Variants in SF3A1 observed in about 807,000 individuals in gnomAD.
The protein encoded by SF3A1 is SAP 114.
SF3A1 carries 13 observed loss-of-function variants against 89.9 expected under a neutral mutation model. The observed-to-expected ratio is 0.14, with a 90% CI of 0.09 to 0.23. The LOEUF is 0.23. Ranked by LOEUF, SF3A1 falls within the 10% of genes least tolerant of loss-of-function variation. The pLI is 1.00. For missense variants in SF3A1, 604 were observed against 1,022.1 expected (o/e 0.59, Z 5.58); for synonymous variants, 405 against 374.4 (o/e 1.08, Z -0.94).
intron 2 of SF3A1, among the ~76,000 whole-genome samples, chr22:30,349,123 G>A (rs762332456): frequency 1.3e-5 from 2 of 152,130 alleles, no homozygotes; most frequent in Non-Finnish European, 2.9e-5. Context: ...CTAACCTAGC[G>A]AAAAAACTTT....
chr22:30,345,048 C>A lies in SF3A1; in HGVS notation c.536G>T (p.Arg179Leu). The change falls in exon 4 of 16, where the codon CGC becomes CTC. Residue 179 changes from arginine (R) to leucine (L), a missense_variant. Physicochemically the swap from Arg to Leu is moderately radical, Grantham distance 102. Coordinates refer to ENST00000215793, the MANE Select transcript of SF3A1 (RefSeq NM_005877.6). ...LTAQFVARNG[R>L]QFLTQLMQKE... ...CTGCATCAGCTGGGTCAGAAACTGG[C>A]GCCCATTCCTGGCCACAAACTGAGC... 6.2e-7 allele frequency: 1 copy of A among 1,614,188 alleles called. No homozygotes were observed. The highest frequency in any genetic ancestry group is 1.1e-5 in the South Asian group (1 of 91,090).
chr22:30,355,066 C>T (rs1477008918), intron 1 of SF3A1, among the ~76,000 whole-genome samples: 1 of 152,056 alleles, frequency 6.6e-6, no homozygotes, highest in Non-Finnish European at 1.5e-5. Flanking sequence ...TTGCTGTCGC[C>T]CAGGCTGGAG....
chr22:30,354,693 T>C (rs932651774), intron 1 of SF3A1, among the ~76,000 whole-genome samples: 1 of 152,204 alleles, frequency 6.6e-6, no homozygotes, highest in Non-Finnish European at 1.5e-5. Flanking sequence ...TCCTCAGGAA[T>C]AGCTACCCAG....
intron 7 of SF3A1, 43 bp downstream of exon 7, chr22:30,341,649 T>G: frequency 6.4e-7 from 1 of 1,569,440 alleles, no homozygotes; most frequent in Non-Finnish European, 8.7e-7. Flanking sequence ...CTCCTGGGGC[T>G]TCAGGGGAAA....
At chr22:30,343,155 C>T (rs559456474) in intron 4 of SF3A1, among the ~76,000 whole-genome samples, 9 of 152,124 alleles carry the variant, frequency 5.9e-5, no homozygotes, top group Admixed American at 3.3e-4. Context: ...AAGCACTAGC[C>T]GATTACCCAG....
intron 9 of SF3A1, 149 bp from the exon 10 acceptor site, chr22:30,339,400 G>A (rs545906986): frequency 3.3e-5 from 32 of 965,318 alleles, no homozygotes; most frequent in Admixed American, 9.9e-5. Flanking sequence ...CTCTGGGCTC[G>A]GGGAAAGCTG....
In SF3A1 at chr22:30,337,792, T is replaced by C. The variant is rs1931118851; in HGVS notation, c.1849A>G (p.Met617Val). The change falls in exon 12 of 16, where the codon ATG becomes GTG. Residue 617 changes from methionine (M) to valine (V), a missense_variant. Transcript: ENST00000215793. The stretch of plus-strand genomic sequence containing the variant: ...CTGGGCGCGTGGATGATGGGCGGCA[T>C]GGGGGCGATCACTGAGCCTGGGGGC... ...RLPPGSVIAPMPPIIHAPRIN... is the reference protein window; with the variant it reads ...RLPPGSVIAPVPPIIHAPRIN... The C allele has an allele frequency of 1.3e-6, 2 of 1,598,786 alleles. No individual in the cohort carries two copies. Among genetic ancestry groups the C allele is most frequent in the African/African-American group, 2.7e-5 (2 of 74,352 alleles).
chr22:30,335,790 T>C, intron 13 of SF3A1, 37 bp from the exon 14 acceptor site: 1 of 1,534,864 alleles, frequency 6.5e-7, no homozygotes, highest in Non-Finnish European at 9.0e-7. Context: ...CCTAGGGAGC[T>C]CGGAGCCAAT....
chr22:30,337,811 T>A lies in SF3A1; in HGVS notation c.1830A>T (p.Pro610=), dbSNP rs754977910. Reference sequence around the variant, plus strand: ...GCGGCATGGGGGCGATCACTGAGCCTGGGGGCAGCCGGACCACAGATGCCA... The same window carrying A: ...GCGGCATGGGGGCGATCACTGAGCCAGGGGGCAGCCGGACCACAGATGCCA... ...PPMASVVRLP[P]GSVIAPMPPI... is the part of the protein sequence containing the mutation. Residue 610 remains proline (P), a synonymous_variant, in exon 12 of 16, where the codon CCA becomes CCT. Coordinates refer to ENST00000215793, the MANE Select transcript of SF3A1 (RefSeq NM_005877.6). 3 of 1,604,190 alleles carry A rather than the reference T, an allele frequency of 1.9e-6. No homozygotes were observed. The highest frequency in any genetic ancestry group is 2.6e-6 in the Non-Finnish European group (3 of 1,175,892).
intron 1 of SF3A1, among the ~76,000 whole-genome samples, chr22:30,356,025 T>C (rs374030423): frequency 1.3e-5 from 2 of 152,198 alleles, no homozygotes; most frequent in African/African-American, 4.8e-5. Context: ...CAATGTTCAT[T>C]AGATTTGTAC....
chr22:30,347,327 T>C (rs990182698), intron 2 of SF3A1, among the ~76,000 whole-genome samples: 2 of 151,900 alleles, frequency 1.3e-5, no homozygotes, highest in Non-Finnish European at 2.9e-5. Flanking sequence ...AAAAAACAAA[T>C]AGTTGGTTTA....
chr22:30,336,186 T>C (rs1413355616), intron 13 of SF3A1, among the ~76,000 whole-genome samples: 1 of 152,176 alleles, frequency 6.6e-6, no homozygotes, highest in African/African-American at 2.4e-5. Flanking sequence ...CTTAGCTCTA[T>C]CCTGGTACTT....
rs764012148 is a variant in SF3A1 at position 30,334,497 on chromosome 22, G to A, written c.*97C>T. 23 of 709,160 alleles carry A rather than the reference G, an allele frequency of 3.2e-5. No individual in the cohort carries two copies. Among genetic ancestry groups the A allele is most frequent in the Non-Finnish European group, 5.2e-5 (22 of 423,712 alleles). 43.9% of individuals were successfully genotyped at this position (709,160 alleles called of 1,614,324 possible). A position where few individuals can be genotyped will look rare whatever the true frequency, so the allele number is the denominator to read the frequency against. ...TGAGTAAGAGCGAAACAAATATGCA[G>A]GCAAGGCAAAGCCTCAGGGGGGCTC... On this transcript the variant is annotated 3_prime_UTR_variant, in exon 16 of 16. Transcript: ENST00000215793.
chr22:30,342,178 G>C, intron 6 of SF3A1, 22 bp downstream of exon 6: 2 of 1,613,744 alleles, frequency 1.2e-6, no homozygotes, highest in Non-Finnish European at 1.7e-6. Context: ...TCCCCATCTG[G>C]AGTCACTCCT....
chr22:30,352,285 A>T (rs8136826), intron 2 of SF3A1, among the ~76,000 whole-genome samples: 1 of 149,480 alleles, frequency 6.7e-6, no homozygotes, highest in Admixed American at 6.7e-5. Flanking sequence ...AACTGTGGGG[A>T]GAGAGAGGAT....
Position 30,337,100 on chromosome 22 carries a change from C to T in SF3A1, c.2032G>A (p.Asp678Asn). 1 of 1,614,162 alleles carries T rather than the reference C, an allele frequency of 6.2e-7. No homozygotes were observed. Among genetic ancestry groups the T allele is most frequent in the Non-Finnish European group, 8.5e-7 (1 of 1,180,018 alleles). The change falls in exon 13 of 16, where the codon GAT becomes AAT. Residue 678 changes from aspartate to asparagine, a missense_variant. This residue lies in a region of SF3A1 where 45 missense variants were observed against 41.1 expected (regional missense o/e 1.09). Transcript: ENST00000215793. ...PPVHPPPPMEDEPTSKKLKTE... is the reference protein window; with the variant it reads ...PPVHPPPPMENEPTSKKLKTE... Reference sequence around the variant, plus strand: ...TTCAGTTTTTTGGAGGTGGGCTCATCTTCCATGGGAGGTGGGGGATGCACA... The same window carrying T: ...TTCAGTTTTTTGGAGGTGGGCTCATTTTCCATGGGAGGTGGGGGATGCACA...
intron 2 of SF3A1, among the ~76,000 whole-genome samples, chr22:30,349,592 G>C (rs1412950730): frequency 6.6e-6 from 1 of 151,358 alleles, no homozygotes; most frequent in Non-Finnish European, 1.5e-5. Flanking sequence ...ACAGATTTTA[G>C]AAATGCCTAC....
chr22:30,349,317 G>A (rs1372815368), intron 2 of SF3A1, among the ~76,000 whole-genome samples: 1 of 152,220 alleles, frequency 6.6e-6, no homozygotes, highest in Non-Finnish European at 1.5e-5. Flanking sequence ...GTCTCGCTCC[G>A]TCACCCAGGT....
intron 2 of SF3A1, among the ~76,000 whole-genome samples, chr22:30,349,846 T>C (rs550471681): frequency 2.2e-4 from 34 of 151,736 alleles, no homozygotes; most frequent in Non-Finnish European, 3.1e-4. Context: ...GGTCTCACTA[T>C]ATTGCCTACA....
Sources: allele counts gnomAD v4.1 joint callset (sites outside exome capture counted in the v4.1 genomes callset), GRCh38; gene constraint gnomAD v4.1.1; regional missense constraint gnomAD v4.1.1; transcripts MANE v1.5; gene names NCBI Gene and HGNC (gene_info 2026-07-23, HGNC 2026-07-21).